Variants in DPP10 observed in about 807,000 individuals in gnomAD.
The protein encoded by DPP10 is dipeptidyl peptidase like 10.
In DPP10, 33 loss-of-function variants were observed where a neutral mutation model predicts 120.9. The ratio of observed to expected loss-of-function variants is 0.27; its 90% CI spans 0.21 to 0.37. DPP10 has a LOEUF of 0.37. Among genes scored for constraint, DPP10 ranks in the 10% least tolerant of loss-of-function variants. The pLI is 1.00. For missense variants in DPP10, 816 were observed against 942.8 expected (o/e 0.87, Z 1.76); for synonymous variants, 337 against 326.1 (o/e 1.03, Z -0.36).
At chr2:115,701,173 A>G (rs2091872116) in intron 7 of DPP10, among the ~76,000 whole-genome samples, 1 of 152,126 alleles carries the variant, frequency 6.6e-6, no homozygotes, top group African/African-American at 2.4e-5. Flanking sequence ...AACTCACACT[A>G]CTGATTCAAA....
rs771687799 is a variant in DPP10, at chr2:115,675,603, A to G, written c.442-14084A>G. 9.2e-5 allele frequency among the ~76,000 whole-genome samples: 14 copies of G among 152,156 alleles called. No homozygotes were observed. The South Asian group carries it at 1.0e-3, about 11-fold the overall frequency. On this transcript the variant is annotated intron_variant, in intron 5 of 25. Transcript: ENST00000410059. ...AGCCAAGAGGTACTCCCCATTTCTG[A>G]GAATAGGTGAGTGGGGAATGCCCCA...
intron 1 of DPP10, among the ~76,000 whole-genome samples, chr2:114,903,526 A>G (rs970854462): frequency 6.6e-6 from 1 of 152,146 alleles, no homozygotes; most frequent in Non-Finnish European, 1.5e-5. Context: ...AGTTTTCCTG[A>G]TGAGATATGA....
At chr2:114,865,580 T>G (rs1340893051) in intron 1 of DPP10, among the ~76,000 whole-genome samples, 1 of 152,182 alleles carries the variant, frequency 6.6e-6, no homozygotes, top group East Asian at 1.9e-4. Flanking sequence ...CACTTCATAT[T>G]AATATTCAAG....
chr2:114,530,391 C>G (rs530317033), intron 1 of DPP10, among the ~76,000 whole-genome samples: 2 of 152,066 alleles, frequency 1.3e-5, no homozygotes, highest in Non-Finnish European at 2.9e-5. Context: ...ATGAAGAGCA[C>G]TTGAATGAGA....
chr2:114,462,405 C>T (rs1310246336), intron 1 of DPP10, among the ~76,000 whole-genome samples: 1 of 152,146 alleles, frequency 6.6e-6, no homozygotes, highest in Non-Finnish European at 1.5e-5. Context: ...ATTATTTCTC[C>T]TTAGCCTTCT....
chr2:115,458,432 CTATT>C (rs1385795762), intron 3 of DPP10, among the ~76,000 whole-genome samples: 1 of 152,064 alleles, frequency 6.6e-6, no homozygotes, highest in African/African-American at 2.4e-5. Context: ...CATATATAAG[CTATT>C]TAGACTTAAA....
chr2:115,114,791 G>A (rs1289645251), intron 1 of DPP10, among the ~76,000 whole-genome samples: 5 of 151,904 alleles, frequency 3.3e-5, no homozygotes, highest in East Asian at 1.9e-4. Flanking sequence ...ATTACTTTTC[G>A]CCTGCCTCTA....
chr2:114,895,438 G>A (rs1022464004), intron 1 of DPP10, among the ~76,000 whole-genome samples: 14 of 152,116 alleles, frequency 9.2e-5, no homozygotes, highest in African/African-American at 3.4e-4. Flanking sequence ...TTGTCCATTG[G>A]AACATGCACA....
chr2:114,898,505 A>G (rs1260802341), intron 1 of DPP10, among the ~76,000 whole-genome samples: 2 of 150,098 alleles, frequency 1.3e-5, no homozygotes, highest in Non-Finnish European at 2.9e-5. Context: ...TAATAATAAC[A>G]AAATAAAAAA....
intron 1 of DPP10, among the ~76,000 whole-genome samples, chr2:115,220,578 A>C (rs2057092775): frequency 6.6e-6 from 1 of 152,106 alleles, no homozygotes; most frequent in South Asian, 2.1e-4. Flanking sequence ...AAGGAAAATA[A>C]ATTCAGAAAA....
chr2:115,779,874 T>C (rs1682545188), intron 15 of DPP10, among the ~76,000 whole-genome samples: 1 of 152,038 alleles, frequency 6.6e-6, no homozygotes, highest in Non-Finnish European at 1.5e-5. Flanking sequence ...TTGAGTATTA[T>C]AAGGAAATTT....
intron 2 of DPP10, among the ~76,000 whole-genome samples, chr2:115,327,443 A>C (rs957073101): frequency 8.6e-5 from 13 of 152,010 alleles, no homozygotes; most frequent in African/African-American, 2.7e-4. Flanking sequence ...TAAGATGGAG[A>C]ATATCAGTTT....
intron 1 of DPP10, among the ~76,000 whole-genome samples, chr2:115,017,395 A>G (rs1312517197): frequency 6.6e-6 from 1 of 152,126 alleles, no homozygotes; most frequent in Non-Finnish European, 1.5e-5. Flanking sequence ...ACACTTTTAC[A>G]CTGTTGGTGG....
At chr2:115,534,956 GTTGT>G (rs1292443086) in intron 5 of DPP10, among the ~76,000 whole-genome samples, 2 of 150,806 alleles carry the variant, frequency 1.3e-5, no homozygotes, top group Non-Finnish European at 3.0e-5. Flanking sequence ...TTTTGATGGG[GTTGT>G]TTGTTTTTTT....
intron 5 of DPP10, among the ~76,000 whole-genome samples, chr2:115,679,601 A>G (rs1490531797): frequency 2.0e-5 from 3 of 152,236 alleles, no homozygotes; most frequent in South Asian, 2.1e-4. Context: ...GTAAGTGTCC[A>G]TCACCAGCTG....
intron 1 of DPP10, among the ~76,000 whole-genome samples, chr2:114,939,274 G>T (rs573175486): frequency 8.6e-5 from 13 of 151,840 alleles, no homozygotes; most frequent in Admixed American, 3.9e-4. Context: ...GTGTTGAAAG[G>T]GGGGGGTGGT....
At chr2:115,212,242 T>C (rs2056563008) in intron 1 of DPP10, among the ~76,000 whole-genome samples, 1 of 152,148 alleles carries the variant, frequency 6.6e-6, no homozygotes, top group Non-Finnish European at 1.5e-5. Flanking sequence ...TGTTATGTCA[T>C]GACCCTTCAT....
intron 1 of DPP10, among the ~76,000 whole-genome samples, chr2:115,216,211 A>G (rs1287796717): frequency 6.6e-6 from 1 of 152,156 alleles, no homozygotes; most frequent in East Asian, 1.9e-4. Context: ...AACGTACACT[A>G]TTCAGGTGAT....
At chr2:115,115,612 A>G (rs2049461336) in intron 1 of DPP10, among the ~76,000 whole-genome samples, 1 of 152,174 alleles carries the variant, frequency 6.6e-6, no homozygotes, top group Non-Finnish European at 1.5e-5. Context: ...TAGCTACTCC[A>G]ATCTTTAGTA....
Sources: gnomAD v4.1 joint callset for allele counts (sites outside exome capture counted in the v4.1 genomes callset) on GRCh38, gnomAD v4.1.1 for gene constraint, MANE v1.5 for transcripts, NCBI Gene and HGNC (gene_info 2026-07-23, HGNC 2026-07-21) for gene names.